COL7A1: variants seen among roughly 807,000 people sequenced by gnomAD.
COL7A1 encodes the protein collagen alpha-1(VII) chain.
A neutral mutation model predicts 456.2 loss-of-function variants in COL7A1; 296 were observed. That is an observed-to-expected ratio of 0.65 (90% CI 0.59 to 0.71). COL7A1 has a LOEUF of 0.71. Among genes scored for constraint, COL7A1 ranks in the 30% least tolerant of loss-of-function variants. The probability of loss-of-function intolerance (pLI) is 0.00; values close to 1 mark genes in which losing one functional copy is unlikely to be tolerated. For synonymous variants in COL7A1, 1,464 were observed against 1,525.9 expected (o/e 0.96, Z 0.95); for missense variants, 3,441 against 4,017.2 (o/e 0.86, Z 3.88).
At chr3:48,589,102 G>A in intron 18 of COL7A1, 107 bp from the exon 19 acceptor site, 1 of 1,581,190 alleles carries the variant, frequency 6.3e-7, no homozygotes, top group Non-Finnish European at 8.7e-7. Flanking sequence ...AGTGTGGACA[G>A]GTCACTTTAG....
rs2045136600 is a variant in COL7A1, at chr3:48,585,030, G to C, written c.3975+6C>G. On this transcript the variant is annotated splice_donor_region_variant and intron_variant, in intron 33 of 118. Transcript: ENST00000681320. This position sits in a 1 kb window ranked among gnomAD's most constrained non-coding sequence, Gnocchi z 4.5. ...CACCCTGACCTGCAGGACAAGGCTT[G>C]CTCACCTTTAGGCCAGGGGCTCCAG... The C allele has an allele frequency of 1.2e-6, 2 of 1,613,316 alleles. No individual in the cohort carries two copies. The highest frequency in any genetic ancestry group is 1.3e-5 in the African/African-American group (1 of 74,914).
chr3:48,586,175 C>A lies in COL7A1; in HGVS notation c.3622G>T (p.Asp1208Tyr), dbSNP rs1371918926. ...ACGGCGAAGAAGGTCTGGACAGAGT[C>A]CATACCCGGCGCCAAGCGACGCAGC... ...EQLRRLAPGM[D>Y]SVQTFFAVDD... The change falls in exon 28 of 119, where the codon GAC becomes TAC. Residue 1208 changes from aspartate (D) to tyrosine (Y), a missense_variant. By Grantham distance (160) the Asp-to-Tyr change is radical. Transcript: ENST00000681320. This position sits in a 1 kb window ranked among gnomAD's most constrained non-coding sequence, Gnocchi z 5.1. 9 of 1,613,264 alleles carry A rather than the reference C, an allele frequency of 5.6e-6. No individual in the cohort carries two copies. The highest frequency in any genetic ancestry group is 1.3e-5 in the African/African-American group (1 of 74,944).
In COL7A1 at chr3:48,566,657, C is replaced by T. The variant is rs774138233; in HGVS notation, c.8304+3G>A. The T allele has an allele frequency of 6.2e-7, 1 of 1,614,190 alleles. No individual in the cohort carries two copies. Among genetic ancestry groups the T allele is most frequent in the South Asian group, 1.1e-5 (1 of 91,082 alleles). The stretch of plus-strand genomic sequence containing the variant: ...TGACCCAAGCCTTGGAATCCCTACT[C>T]ACCTGCTCCCCTCTCTCGCCAGGAG... On this transcript the variant is annotated splice_donor_region_variant and intron_variant, in intron 112 of 118. Coordinates refer to ENST00000681320, the MANE Select transcript of COL7A1 (RefSeq NM_000094.4). This position sits in a 1 kb window ranked among gnomAD's most constrained non-coding sequence, Gnocchi z 5.9.
At position 48,564,720 on chromosome 3, in the gene COL7A1, C is replaced by CGA; in HGVS notation, c.8818+62_8818+63insTC. 2.6e-6 allele frequency: 4 copies of CGA among 1,551,430 alleles called. No individual in the cohort carries two copies. The South Asian group carries it at 4.7e-5, about 18-fold the overall frequency. On this transcript the variant is annotated intron_variant, in intron 118 of 118. Transcript: ENST00000681320. The surrounding 1 kb of genome is among the most constrained non-coding windows in gnomAD (Gnocchi z 6.0). ...TGGAACCCTGGCCCAAGGACTCCTC[C>CGA]CCCAGAACCCGATCCAGGCAGGCTC...
chr3:48,582,451 C>T, intron 46 of COL7A1, 27 bp downstream of exon 46: 1 of 1,614,176 alleles, frequency 6.2e-7, no homozygotes, highest in Admixed American at 1.7e-5. Context: ...TAGTACCAGA[C>T]AGTGCCACCC....
In COL7A1 at chr3:48,581,058, C is replaced by A. The variant is rs948911007; in HGVS notation, c.4935+64G>T. The A allele has an allele frequency of 4.4e-6, 7 of 1,607,934 alleles. No individual in the cohort carries two copies. Among genetic ancestry groups the A allele is most frequent in the Non-Finnish European group, 6.0e-6 (7 of 1,174,982 alleles). ...AGTGGATGGATGAACTGGTGGAGCA[C>A]CAGCCTACTGGGATCCTAGTTCAAG... On this transcript the variant is annotated intron_variant, in intron 53 of 118. Transcript: ENST00000681320. This position sits in a 1 kb window ranked among gnomAD's most constrained non-coding sequence, Gnocchi z 5.8.
In COL7A1 at chr3:48,592,815, AGAG is replaced by A. The variant is rs1414808396; in HGVS notation, c.803_805del (p.Pro268del). The A allele has an allele frequency of 6.2e-7, 1 of 1,613,838 alleles. No homozygotes were observed. The highest frequency in any genetic ancestry group is 1.7e-5 in the Admixed American group (1 of 60,026). On this transcript the variant is annotated inframe_deletion, in exon 7 of 119. Transcript: ENST00000681320. The surrounding 1 kb of genome is among the most constrained non-coding windows in gnomAD (Gnocchi z 7.6). ...CGGCAGTGGCTGTCCCAGCCCCGTC[AGAG>A]GAGTGTACTGGACCTTGTAGCCAGT...
At position 48,590,892 on chromosome 3, in the gene COL7A1, G is replaced by A. The variant is rs2045646686; in HGVS notation, c.1637-76C>T. 1 of 1,528,660 alleles carries A rather than the reference G, an allele frequency of 6.5e-7. No individual in the cohort carries two copies. Among genetic ancestry groups the A allele is most frequent in the Admixed American group, 1.7e-5 (1 of 59,546 alleles). The allele number at this position is 1,528,660 out of a possible 1,614,324, so 94.7% of individuals were successfully genotyped here. On this transcript the variant is annotated intron_variant, in intron 13 of 118. Coordinates refer to ENST00000681320, the MANE Select transcript of COL7A1 (RefSeq NM_000094.4). The surrounding 1 kb of genome is among the most constrained non-coding windows in gnomAD (Gnocchi z 4.6). ...GTGGGACGATGGCAGTGATGGACAG[G>A]GACGCAGAGTGAGAAGGGCCATGGG... is the stretch of plus-strand genomic sequence containing the variant.
Position 48,574,358 on chromosome 3 carries a change from A to T in COL7A1, c.6457-52T>A. 1 of 1,613,556 alleles carries T rather than the reference A, an allele frequency of 6.2e-7. No individual in the cohort carries two copies. The highest frequency in any genetic ancestry group is 1.3e-5 in the African/African-American group (1 of 74,954). Reference sequence around the variant, plus strand: ...GTTTCCCAGTTCCAACTTCCCCTCCACCCACCATCCCCCTAGACAGAGTCA... The same window carrying T: ...GTTTCCCAGTTCCAACTTCCCCTCCTCCCACCATCCCCCTAGACAGAGTCA... On this transcript the variant is annotated intron_variant, in intron 79 of 118. Transcript: ENST00000681320. The surrounding 1 kb of genome is among the most constrained non-coding windows in gnomAD (Gnocchi z 5.0).
rs752058282 is a variant in COL7A1 at position 48,578,473 on chromosome 3, A to C, written c.5467T>G (p.Ser1823Ala). 6.2e-7 allele frequency: 1 copy of C among 1,612,802 alleles called. No homozygotes were observed. Among genetic ancestry groups the C allele is most frequent in the African/African-American group, 1.3e-5 (1 of 74,902 alleles). Residue 1823 changes from serine to alanine, a missense_variant, in exon 64 of 119, where the codon TCT becomes GCT. Coordinates refer to ENST00000681320, the MANE Select transcript of COL7A1 (RefSeq NM_000094.4). This position sits in a 1 kb window ranked among gnomAD's most constrained non-coding sequence, Gnocchi z 4.7. ...CTCACCGGTAATCCAGGGGGACCAG[A>C]GGGGCCAGGGAGGCCCTGTTCTCCA... is the stretch of plus-strand genomic sequence containing the variant. ...LRGEQGLPGP[S>A]GPPGLPGKPG...
intron 66 of COL7A1, 24 bp from the exon 67 acceptor site, chr3:48,576,943 G>C: frequency 6.2e-7 from 1 of 1,614,028 alleles, no homozygotes; most frequent in Non-Finnish European, 8.5e-7. Context: ...GGATGCTTCA[G>C]GCATGGCTCC....
Position 48,581,502 on chromosome 3 carries a change from G to A in COL7A1, c.4783-19C>T. 6.2e-7 allele frequency: 1 copy of A among 1,614,088 alleles called. No homozygotes were observed. Among genetic ancestry groups the A allele is most frequent in the Non-Finnish European group, 8.5e-7 (1 of 1,179,992 alleles). The stretch of plus-strand genomic sequence containing the variant: ...TGGGACCCTGAAGGGGACAGAAGGG[G>A]GGCAGGACTTAGTCAGGGTCCCACC... On this transcript the variant is annotated intron_variant, in intron 50 of 118. Coordinates refer to ENST00000681320, the MANE Select transcript of COL7A1 (RefSeq NM_000094.4). This position sits in a 1 kb window ranked among gnomAD's most constrained non-coding sequence, Gnocchi z 5.8.
rs368943084 is a variant in COL7A1 at position 48,592,141 on chromosome 3, G to A, written c.1201C>T (p.Arg401Cys). Residue 401 changes from arginine to cysteine, a missense_variant, in exon 10 of 119, where the codon CGC becomes TGC. Physicochemically the swap from Arg to Cys is radical, Grantham distance 180. This residue lies in a region of COL7A1 where 913 missense variants were observed against 1,088.2 expected (regional missense o/e 0.84). Coordinates refer to ENST00000681320, the MANE Select transcript of COL7A1 (RefSeq NM_000094.4). This position sits in a 1 kb window ranked among gnomAD's most constrained non-coding sequence, Gnocchi z 7.6. Reference sequence around the variant, plus strand: ...AGGGAAGTGGCGGGCCCCACACTGCGGCCAAATAGGGTGCTCACGGTCACC... The same window carrying A: ...AGGGAAGTGGCGGGCCCCACACTGCAGCCAAATAGGGTGCTCACGGTCACC... ...YEVTVSTLFG[R>C]SVGPATSLMA... The A allele has an allele frequency of 7.4e-6, 12 of 1,613,936 alleles. No homozygotes were observed. The highest frequency in any genetic ancestry group is 4.5e-5 in the East Asian group (2 of 44,894).
chr3:48,571,100 C>T lies in COL7A1; in HGVS notation c.7164+1G>A. The T allele has an allele frequency of 6.2e-7, 1 of 1,613,938 alleles. No homozygotes were observed. ...CAACTGGTGATGGGGCATTGACTTA[C>T]CTTCACACCTGGAGGGCCAGGAGGC... On this transcript the variant is annotated splice_donor_variant, in intron 94 of 118. Coordinates refer to ENST00000681320, the MANE Select transcript of COL7A1 (RefSeq NM_000094.4). LOFTEE classifies it high-confidence loss of function. This position sits in a 1 kb window ranked among gnomAD's most constrained non-coding sequence, Gnocchi z 4.6.
At position 48,580,422 on chromosome 3, in the gene COL7A1, T is replaced by C. The variant is rs539341399; in HGVS notation, c.5053-78A>G. On this transcript the variant is annotated intron_variant, in intron 55 of 118. Transcript: ENST00000681320. The surrounding 1 kb of genome is among the most constrained non-coding windows in gnomAD (Gnocchi z 4.5). Reference sequence around the variant, plus strand: ...GCTTTGGAAGCACCATGAGGACTCATGGGAATGTTGGTAGCCTTCAGATGC... The same window carrying C: ...GCTTTGGAAGCACCATGAGGACTCACGGGAATGTTGGTAGCCTTCAGATGC... The C allele has an allele frequency of 7.8e-6, 12 of 1,543,386 alleles. No individual in the cohort carries two copies. The highest frequency in any genetic ancestry group is 2.3e-5 in the South Asian group (2 of 86,394).
Position 48,580,881 on chromosome 3 carries a change from C to A in COL7A1, c.4980+1G>T, listed in dbSNP as rs730880285. 6.2e-7 allele frequency: 1 copy of A among 1,614,130 alleles called. No individual in the cohort carries two copies. Among genetic ancestry groups the A allele is most frequent in the Non-Finnish European group, 8.5e-7 (1 of 1,180,040 alleles). ...TGTTACTTCTCTCTGCCAAGACTCA[C>A]CCGAAGGCCACGCTCGCCTGCTTTT... On this transcript the variant is annotated splice_donor_variant, in intron 54 of 118. Coordinates refer to ENST00000681320, the MANE Select transcript of COL7A1 (RefSeq NM_000094.4). LOFTEE classifies it high-confidence loss of function. This position sits in a 1 kb window ranked among gnomAD's most constrained non-coding sequence, Gnocchi z 4.5.
rs760758808 is a variant in COL7A1 at position 48,569,585 on chromosome 3, C to A, written c.7614+7G>T. ...GGGAGACCCAGTCCACACGTGGGCCCACTCACCATGTCCCCCTTGGCACCC... is the reference window on the plus strand; with the variant it reads ...GGGAGACCCAGTCCACACGTGGGCCAACTCACCATGTCCCCCTTGGCACCC... On this transcript the variant is annotated splice_region_variant and intron_variant, in intron 102 of 118. Transcript: ENST00000681320. The surrounding 1 kb of genome is among the most constrained non-coding windows in gnomAD (Gnocchi z 4.9). 5.6e-6 allele frequency: 9 copies of A among 1,613,786 alleles called. No individual in the cohort carries two copies. In the South Asian group the frequency reaches 9.9e-5, roughly 18 times the overall value.
chr3:48,577,332 T>C (rs1287387733), intron 65 of COL7A1, among the ~76,000 whole-genome samples: 5 of 152,248 alleles, frequency 3.3e-5, no homozygotes, highest in Non-Finnish European at 5.9e-5. Context: ...GGTGTGTGCA[T>C]ATCCATGTGT....
At position 48,586,777 on chromosome 3, in the gene COL7A1, T is replaced by G; in HGVS notation, c.3277-88A>C. The G allele has an allele frequency of 6.5e-7, 1 of 1,528,732 alleles. No individual in the cohort carries two copies. The highest frequency in any genetic ancestry group is 8.9e-7 in the Non-Finnish European group (1 of 1,129,634). The allele number at this position is 1,528,732 out of a possible 1,614,324, so 94.7% of individuals were successfully genotyped here. On this transcript the variant is annotated intron_variant, in intron 25 of 118. Coordinates refer to ENST00000681320, the MANE Select transcript of COL7A1 (RefSeq NM_000094.4). The surrounding 1 kb of genome is among the most constrained non-coding windows in gnomAD (Gnocchi z 5.1). ...GCCTGGAGAAACACATCAGGGTGTG[T>G]GTGACCAAACCCTATCTATTAGGGA...
Sources: allele counts gnomAD v4.1 joint callset (sites outside exome capture counted in the v4.1 genomes callset), GRCh38; gene constraint gnomAD v4.1.1; regional missense constraint gnomAD v4.1.1; non-coding constraint Gnocchi (gnomAD v3.1); transcripts MANE v1.5; gene names NCBI Gene and HGNC (gene_info 2026-07-23, HGNC 2026-07-21).